Variants in ARHGAP15 observed in about 807,000 individuals in gnomAD.
The protein encoded by ARHGAP15 is Rho GTPase activating protein 15.
ARHGAP15 carries 51 observed loss-of-function variants against 63.7 expected under a neutral mutation model. The ratio of observed to expected loss-of-function variants is 0.80; its 90% CI spans 0.64 to 1.01. ARHGAP15 has a LOEUF of 1.01. Ranked by LOEUF, ARHGAP15 falls within the 50% of genes least tolerant of loss-of-function variation. ARHGAP15 has a pLI of 0.00. For missense variants in ARHGAP15, 560 were observed against 564.6 expected, an observed-to-expected ratio of 0.99 and a Z score of 0.08; for synonymous variants, 191 against 193.8, an observed-to-expected ratio of 0.99 and a Z score of 0.12.
At chr2:143,705,854 C>T (rs533739455) in intron 13 of ARHGAP15, among the ~76,000 whole-genome samples, 4 of 152,200 alleles carry the variant, frequency 2.6e-5, no homozygotes, top group Admixed American at 6.5e-5. Context: ...CAAAGGATGA[C>T]GATCGTCCAT....
At chr2:143,749,186 C>T (rs530416949) in intron 13 of ARHGAP15, among the ~76,000 whole-genome samples, 1 of 152,308 alleles carries the variant, frequency 6.6e-6, no homozygotes, top group East Asian at 1.9e-4. Context: ...TGCTCCACTC[C>T]AGTCTGCATT....
At chr2:143,662,040 G>A (rs181471186) in intron 12 of ARHGAP15, among the ~76,000 whole-genome samples, 2,345 of 152,354 alleles carry the variant, frequency 0.015, 56 homozygotes, top group African/African-American at 0.052. Context: ...CATAGCAGCC[G>A]GGAAGCTCCA....
At chr2:143,758,925 T>A (rs1463947001) in intron 13 of ARHGAP15, among the ~76,000 whole-genome samples, 1 of 152,164 alleles carries the variant, frequency 6.6e-6, no homozygotes, top group African/African-American at 2.4e-5. Context: ...TTCCAAATTA[T>A]CTTCATGAAG....
chr2:143,658,947 C>A (rs1681600130), intron 12 of ARHGAP15, among the ~76,000 whole-genome samples: 2 of 152,102 alleles, frequency 1.3e-5, no homozygotes, highest in African/African-American at 4.8e-5. Flanking sequence ...CTGAACAATA[C>A]CAGAATTCTC....
chr2:143,171,571 C>T (rs369559168), intron 2 of ARHGAP15, among the ~76,000 whole-genome samples: 3 of 152,060 alleles, frequency 2.0e-5, no homozygotes, highest in Non-Finnish European at 4.4e-5. Flanking sequence ...ACCCTTACAT[C>T]GACAACCAGG....
intron 12 of ARHGAP15, 104 bp downstream of exon 12, chr2:143,624,371 A>G: frequency 7.8e-7 from 1 of 1,288,108 alleles, no homozygotes; most frequent in Non-Finnish European, 1.0e-6. Flanking sequence ...GGGAACAGAT[A>G]GTATCCCCGA....
chr2:143,393,430 G>A (rs780029016), intron 6 of ARHGAP15, among the ~76,000 whole-genome samples: 3 of 151,978 alleles, frequency 2.0e-5, no homozygotes, highest in African/African-American at 7.2e-5. Context: ...TTACTTAATT[G>A]TTACTTAAGA....
chr2:143,310,258 CTTAG>C (rs1351999881), intron 6 of ARHGAP15, among the ~76,000 whole-genome samples: 1 of 151,866 alleles, frequency 6.6e-6, no homozygotes, highest in South Asian at 2.1e-4. Flanking sequence ...ATGTTTTATT[CTTAG>C]TTTGTTTCAT....
intron 12 of ARHGAP15, among the ~76,000 whole-genome samples, chr2:143,645,368 A>G (rs1680820876): frequency 6.6e-6 from 1 of 152,066 alleles, no homozygotes; most frequent in Non-Finnish European, 1.5e-5. Flanking sequence ...ACTGATTAAC[A>G]TGTAGGGTCA....
intron 9 of ARHGAP15, among the ~76,000 whole-genome samples, chr2:143,509,525 G>A (rs554775216): frequency 1.3e-5 from 2 of 152,240 alleles, no homozygotes; most frequent in Admixed American, 6.5e-5. Flanking sequence ...ATATTCTGTC[G>A]TGTTTTAGCA....
intron 1 of ARHGAP15, among the ~76,000 whole-genome samples, chr2:143,133,221 G>A (rs955680326): frequency 6.6e-6 from 1 of 152,178 alleles, no homozygotes; most frequent in African/African-American, 2.4e-5. Flanking sequence ...AACATTGCAA[G>A]GGACAGGAAG....
chr2:143,656,080 A>T (rs1005414645), intron 12 of ARHGAP15: 10 of 152,124 alleles, frequency 6.6e-5, no homozygotes, highest in Non-Finnish European at 1.5e-4. Context: ...TTTCTTAGTT[A>T]TAATAGTTTC....
intron 12 of ARHGAP15, among the ~76,000 whole-genome samples, chr2:143,664,459 A>G (rs1230015044): frequency 6.6e-6 from 1 of 152,174 alleles, no homozygotes; most frequent in Admixed American, 6.5e-5. Flanking sequence ...CCCACAAGAG[A>G]AAGCAGTAAA....
chr2:143,297,897 G>A (rs1232362316), intron 6 of ARHGAP15, among the ~76,000 whole-genome samples: 1 of 151,886 alleles, frequency 6.6e-6, no homozygotes, highest in East Asian at 1.9e-4. Flanking sequence ...CTATTACTAG[G>A]CCACATGTTT....
At chr2:143,740,622 G>A (rs577517773) in intron 13 of ARHGAP15, among the ~76,000 whole-genome samples, 43 of 152,282 alleles carry the variant, frequency 2.8e-4, no homozygotes, top group African/African-American at 8.4e-4. Flanking sequence ...GCTAACAAGC[G>A]CAGTGTCAAC....
chr2:143,192,569 T>C (rs1197835424), intron 2 of ARHGAP15, among the ~76,000 whole-genome samples: 2 of 152,376 alleles, frequency 1.3e-5, no homozygotes, highest in East Asian at 3.9e-4. Context: ...CAAGCATTCA[T>C]ATGCTTTGGA....
At chr2:143,158,722 C>T (rs1177593105) in intron 2 of ARHGAP15, among the ~76,000 whole-genome samples, 3 of 151,932 alleles carry the variant, frequency 2.0e-5, no homozygotes, top group South Asian at 2.1e-4. Flanking sequence ...TTTGTTGTCC[C>T]GTCCTGAGCA....
chr2:143,489,106 CT>C (rs781392898), intron 9 of ARHGAP15, among the ~76,000 whole-genome samples: 1 of 152,196 alleles, frequency 6.6e-6, no homozygotes, highest in Admixed American at 6.5e-5. Context: ...ACAATCCTAA[CT>C]TTACATAATG....
chr2:143,416,835 ACGCCCC>A (rs1688708426), intron 6 of ARHGAP15, among the ~76,000 whole-genome samples: 1 of 65,538 alleles, frequency 1.5e-5, no homozygotes, highest in Non-Finnish European at 3.1e-5. Flanking sequence ...CCCCACCCCC[ACGCCCC>A]CACGCCCCCA....
Sources: allele counts gnomAD v4.1 joint callset (sites outside exome capture counted in the v4.1 genomes callset), GRCh38; gene constraint gnomAD v4.1.1; transcripts MANE v1.5; gene names NCBI Gene and HGNC (gene_info 2026-07-23, HGNC 2026-07-21).